The following PTPN9 variants were observed in gnomAD, a reference collection of about 807,000 sequenced individuals.
PTPN9 encodes the protein tyrosine-protein phosphatase non-receptor type 9.
A neutral mutation model predicts 69.8 loss-of-function variants in PTPN9; 26 were observed. That is an observed-to-expected ratio of 0.37 (90% CI 0.27 to 0.52). The LOEUF (loss-of-function observed/expected upper bound fraction) is 0.52. Ranked by LOEUF, PTPN9 falls within the 20% of genes least tolerant of loss-of-function variation. The probability of loss-of-function intolerance (pLI) is 0.91; values close to 1 mark genes in which losing one functional copy is unlikely to be tolerated. For synonymous variants in PTPN9, 274 were observed against 272.5 expected, an observed-to-expected ratio of 1.01 and a Z score of -0.05; for missense variants, 549 against 740.3, an observed-to-expected ratio of 0.74 and a Z score of 3.00.
In PTPN9 at chr15:75,508,964, G is replaced by A. The variant is rs770004306; in HGVS notation, c.592C>T (p.Pro198Ser). 7.4e-6 allele frequency: 12 copies of A among 1,613,966 alleles called. No individual in the cohort carries two copies. The South Asian group carries it at 1.1e-4, about 15-fold the overall frequency. ...IVGAPIWFRV[P>S]YSIISLLLKD... ...AGGAGGAGACTGATGATGGAATAGG[G>A]CACTCGGAACCATATGGGTGCCCCC... Residue 198 changes from proline to serine, a missense_variant, in exon 6 of 13, where the codon CCC becomes TCC. This residue lies in a region of PTPN9 where 457 missense variants were observed against 661.9 expected (regional missense o/e 0.69). Coordinates refer to ENST00000618819, the MANE Select transcript of PTPN9 (RefSeq NM_002833.4).
At chr15:75,516,555 G>A (rs1330705375) in intron 5 of PTPN9, among the ~76,000 whole-genome samples, 4 of 149,220 alleles carry the variant, frequency 2.7e-5, no homozygotes, top group African/African-American at 7.4e-5. Flanking sequence ...CTCGTGATCC[G>A]TCCGCCTCAG....
chr15:75,564,200 C>A (rs888843516), intron 1 of PTPN9, among the ~76,000 whole-genome samples: 2 of 152,038 alleles, frequency 1.3e-5, no homozygotes, highest in African/African-American at 4.8e-5. Context: ...ATCCTCCTGC[C>A]TCAGCCTCCC....
chr15:75,567,521 CT>C (rs1188407639), intron 1 of PTPN9, among the ~76,000 whole-genome samples: 1 of 152,020 alleles, frequency 6.6e-6, no homozygotes, highest in East Asian at 1.9e-4. Context: ...TCACAGATGA[CT>C]TTTTTAGAAC....
At chr15:75,471,713 G>A (rs1485660460) in intron 10 of PTPN9, among the ~76,000 whole-genome samples, 5 of 150,960 alleles carry the variant, frequency 3.3e-5, no homozygotes, top group African/African-American at 9.8e-5. Context: ...TCAGGAGTTC[G>A]AGACTAGCCT....
At chr15:75,488,244 G>C (rs1031818187) in intron 8 of PTPN9, among the ~76,000 whole-genome samples, 1 of 152,012 alleles carries the variant, frequency 6.6e-6, no homozygotes, top group Non-Finnish European at 1.5e-5. Context: ...TTGCGCCATT[G>C]CACTCCAGCC....
At chr15:75,565,014 C>A (rs1293273856) in intron 1 of PTPN9, among the ~76,000 whole-genome samples, 1 of 150,846 alleles carries the variant, frequency 6.6e-6, no homozygotes, top group Admixed American at 6.6e-5. Context: ...GGCAGGAGAA[C>A]TGCTTGAACC....
intron 1 of PTPN9, among the ~76,000 whole-genome samples, chr15:75,563,736 C>T (rs567980634): frequency 9.2e-5 from 14 of 152,242 alleles, no homozygotes; most frequent in African/African-American, 2.6e-4. Flanking sequence ...CCTCATTGCA[C>T]GTAACAAGTC....
chr15:75,532,027 A>T (rs2074966269), intron 1 of PTPN9, among the ~76,000 whole-genome samples: 1 of 152,184 alleles, frequency 6.6e-6, no homozygotes, highest in African/African-American at 2.4e-5. Context: ...CGGATAAATC[A>T]ATGTATAAGT....
intron 1 of PTPN9, among the ~76,000 whole-genome samples, chr15:75,574,347 G>C (rs1567532707): frequency 6.6e-6 from 1 of 151,860 alleles, no homozygotes; most frequent in Non-Finnish European, 1.5e-5. Flanking sequence ...GCTTCTTTGC[G>C]GGGCAGGCAG....
In PTPN9 at chr15:75,464,056, CCTG is replaced by C. The variant is rs1422460119; in HGVS notation, c.*4710_*4712del. The C allele has an allele frequency of 2.0e-5, 3 of 152,258 alleles. No individual in the cohort carries two copies. The highest frequency in any genetic ancestry group is 7.2e-5 in the African/African-American group (3 of 41,448). The allele number at this position is 152,258 out of a possible 1,614,324, so 9.4% of individuals were successfully genotyped here. A position where few individuals can be genotyped will look rare whatever the true frequency, so the allele number is the denominator to read the frequency against. On this transcript the variant is annotated 3_prime_UTR_variant, in exon 13 of 13. Coordinates refer to ENST00000618819, the MANE Select transcript of PTPN9 (RefSeq NM_002833.4). ...GGTCTTGGAGATGACAGAGACCTGA[CCTG>C]CTTTTCCTCCAATTGGAAGGCCAAG...
chr15:75,522,263 T>G (rs935538620), intron 4 of PTPN9, among the ~76,000 whole-genome samples: 2 of 152,064 alleles, frequency 1.3e-5, no homozygotes, highest in Admixed American at 6.6e-5. Context: ...AGGAAGAGAG[T>G]GATGACCTGA....
intron 5 of PTPN9, chr15:75,513,543 G>A: frequency 2.6e-6 from 1 of 380,762 alleles, no homozygotes; most frequent in Non-Finnish European, 5.2e-6. Flanking sequence ...AAGGTGGATG[G>A]ATCACTTGAG....
chr15:75,518,849 T>C (rs889814758), intron 4 of PTPN9, among the ~76,000 whole-genome samples: 1 of 151,538 alleles, frequency 6.6e-6, no homozygotes, highest in Non-Finnish European at 1.5e-5. Flanking sequence ...AGTAAGCCTA[T>C]TCCCAGACCA....
chr15:75,503,706 G>C (rs1208767379), intron 7 of PTPN9, among the ~76,000 whole-genome samples: 1 of 112,050 alleles, frequency 8.9e-6, no homozygotes, highest in African/African-American at 3.5e-5. Flanking sequence ...CAGCCACCCC[G>C]TCCGGGAGGG....
At chr15:75,481,818 C>A (rs1472047594) in intron 8 of PTPN9, among the ~76,000 whole-genome samples, 1 of 133,832 alleles carries the variant, frequency 7.5e-6, no homozygotes, top group African/African-American at 2.8e-5. Flanking sequence ...GCCGCCCCGT[C>A]CGGGAGGGAG....
chr15:75,470,426 G>A (rs1259768192), intron 11 of PTPN9, among the ~76,000 whole-genome samples: 4 of 152,214 alleles, frequency 2.6e-5, no homozygotes, highest in African/African-American at 2.4e-5. Context: ...AGAGTGCTGG[G>A]ATTATAGGCC....
At chr15:75,517,866 C>T (rs150329536) in intron 4 of PTPN9, among the ~76,000 whole-genome samples, 4 of 151,954 alleles carry the variant, frequency 2.6e-5, no homozygotes, top group Non-Finnish European at 5.9e-5. Context: ...CCACTCATTA[C>T]GCCCAACAAT....
intron 1 of PTPN9, among the ~76,000 whole-genome samples, chr15:75,542,282 T>C (rs1329688794): frequency 6.6e-6 from 1 of 152,152 alleles, no homozygotes; most frequent in African/African-American, 2.4e-5. Context: ...GTTAAGGGAC[T>C]ATGTGCACTT....
chr15:75,560,355 C>G lies in PTPN9; in HGVS notation c.63+18359G>C, dbSNP rs560425849. Among the ~76,000 whole-genome samples the G allele has an allele frequency of 3.3e-5, 5 of 152,138 alleles. No homozygotes were observed. The East Asian group carries it at 7.7e-4, about 23-fold the overall frequency. On this transcript the variant is annotated intron_variant, in intron 1 of 12. Coordinates refer to ENST00000618819, the MANE Select transcript of PTPN9 (RefSeq NM_002833.4). The stretch of plus-strand genomic sequence containing the variant: ...TTGCTGGCTACACCACTTCTAAGTC[C>G]CTAACCTAGCCAGAAATACCATTTT...
Sources: allele counts gnomAD v4.1 joint callset (sites outside exome capture counted in the v4.1 genomes callset), GRCh38; gene constraint gnomAD v4.1.1; regional missense constraint gnomAD v4.1.1; transcripts MANE v1.5; gene names NCBI Gene and HGNC (gene_info 2026-07-23, HGNC 2026-07-21).